Variants in OTUD7B observed in about 807,000 individuals in gnomAD.
OTUD7B encodes OTU domain-containing protein 7B.
Under a neutral mutation model 82.2 loss-of-function variants are expected in OTUD7B, and 34 were observed. The ratio of observed to expected loss-of-function variants is 0.41; its 90% CI spans 0.31 to 0.55. OTUD7B has a LOEUF of 0.55. Among genes scored for constraint, OTUD7B ranks in the 20% least tolerant of loss-of-function variants. OTUD7B has a pLI of 0.20. For synonymous variants in OTUD7B, 398 were observed against 402.7 expected, an observed-to-expected ratio of 0.99 and a Z score of 0.14; for missense variants, 944 against 1,062.1, an observed-to-expected ratio of 0.89 and a Z score of 1.55.
At chr1:150,051,683 G>A in the OTUD7B span, among the ~76,000 whole-genome samples, 2 of 152,044 alleles carry the variant, frequency 1.3e-5, no homozygotes, top group Non-Finnish European at 2.9e-5. Context: ...AGTTGCAAAG[G>A]TTAATTCAGA....
intron 7 of OTUD7B, among the ~76,000 whole-genome samples, chr1:149,954,216 G>A (rs1468733667): frequency 1.3e-5 from 2 of 152,098 alleles, no homozygotes; most frequent in Non-Finnish European, 2.9e-5. Flanking sequence ...TTTGAGATAC[G>A]TCCCATCAAT....
the OTUD7B span, among the ~76,000 whole-genome samples, chr1:150,058,811 A>T: frequency 6.6e-6 from 1 of 152,156 alleles, no homozygotes; most frequent in Non-Finnish European, 1.5e-5. Context: ...ATCTCACTTT[A>T]GAAGAGAAAA....
intron 1 of OTUD7B, among the ~76,000 whole-genome samples, chr1:149,979,194 A>G (rs1650541553): frequency 6.6e-6 from 1 of 152,172 alleles, no homozygotes. Context: ...TAAATGATTC[A>G]ATGACTAAGC....
At chr1:150,056,639 C>G in the OTUD7B span, among the ~76,000 whole-genome samples, 7 of 152,146 alleles carry the variant, frequency 4.6e-5, no homozygotes, top group African/African-American at 1.7e-4. Context: ...AGAATCAAAT[C>G]CAGGCTCACT....
chr1:149,983,336 C>A lies in OTUD7B; in HGVS notation c.-66-5760G>T, dbSNP rs587774004. Among the ~76,000 whole-genome samples the A allele has an allele frequency of 2.6e-5, 4 of 151,940 alleles. No individual in the cohort carries two copies. The South Asian group carries it at 6.2e-4, about 24-fold the overall frequency. Reference sequence around the variant, plus strand: ...AAAGCTTCCAGCATGGAGGAAAAAACCACAAAATCCTACCATCTTCCTGAG... The same window carrying A: ...AAAGCTTCCAGCATGGAGGAAAAAAACACAAAATCCTACCATCTTCCTGAG... On this transcript the variant is annotated intron_variant, in intron 1 of 11. Coordinates refer to ENST00000581312, the MANE Select transcript of OTUD7B (RefSeq NM_020205.4).
intron 1 of OTUD7B, among the ~76,000 whole-genome samples, chr1:149,979,489 G>A (rs937885095): frequency 4.0e-5 from 6 of 151,778 alleles, no homozygotes; most frequent in Non-Finnish European, 7.4e-5. Context: ...ATACTTTCAA[G>A]GTTTAAAAAA....
At chr1:149,968,001 T>C (rs868946636) in intron 3 of OTUD7B, among the ~76,000 whole-genome samples, 4 of 152,152 alleles carry the variant, frequency 2.6e-5, no homozygotes, top group Middle Eastern at 3.4e-3. Flanking sequence ...AAGAAATCCA[T>C]TATAGAAAAG....
intron 1 of OTUD7B, among the ~76,000 whole-genome samples, chr1:149,979,049 T>C (rs1490839809): frequency 6.8e-6 from 1 of 146,792 alleles, no homozygotes; most frequent in African/African-American, 2.5e-5. Flanking sequence ...GATGGCAAAA[T>C]AGAAATTTTT....
intron 7 of OTUD7B, among the ~76,000 whole-genome samples, chr1:149,952,352 A>G (rs1553773671): frequency 1.3e-5 from 2 of 152,120 alleles, no homozygotes. Flanking sequence ...TTCCAGCTTC[A>G]TCCATGTCCC....
At chr1:149,995,765 A>T (rs587715985) in intron 1 of OTUD7B, among the ~76,000 whole-genome samples, 1 of 152,256 alleles carries the variant, frequency 6.6e-6, no homozygotes, top group African/African-American at 2.4e-5. Flanking sequence ...GAAGATGCTA[A>T]CTCCAGAGTA....
intron 1 of OTUD7B, among the ~76,000 whole-genome samples, chr1:149,982,376 C>G (rs587632639): frequency 6.2e-4 from 94 of 152,256 alleles, no homozygotes; most frequent in Non-Finnish European, 1.2e-3. Flanking sequence ...TCCCCTGATT[C>G]TTGCCCATTT....
In OTUD7B at chr1:149,943,968, G is replaced by A; in HGVS notation, c.2421C>T (p.Cys807=). 6.2e-7 allele frequency: 1 copy of A among 1,614,244 alleles called. No individual in the cohort carries two copies. Among genetic ancestry groups the A allele is most frequent in the South Asian group, 1.1e-5 (1 of 91,092 alleles). ...PTQTKCKQPN[C]SFYGHPETNN... is the part of the protein sequence containing the mutation. ...TTGTCTCAGGGTGTCCATAGAAGCT[G>A]CAGTTCGGTTGTTTGCATTTGGTCT... Residue 807 remains cysteine, a synonymous_variant, in exon 12 of 12, where the codon TGC becomes TGT. Transcript: ENST00000581312.
At chr1:149,960,375 T>TC (rs1649055701) in intron 6 of OTUD7B, among the ~76,000 whole-genome samples, 1 of 590 alleles carries the variant, frequency 1.7e-3, no homozygotes, top group Non-Finnish European at 0.011. Context: ...TTTCTTTTCT[T>TC]TTTCTTTTCT....
the OTUD7B span, among the ~76,000 whole-genome samples, chr1:150,055,330 G>A: frequency 4.6e-5 from 7 of 151,922 alleles, no homozygotes; most frequent in Admixed American, 2.0e-4. Flanking sequence ...GAGCCACTGC[G>A]CCCGGCCTGG....
At chr1:149,959,240 G>GAAAAAAAAAGA (rs1318735406) in intron 7 of OTUD7B, among the ~76,000 whole-genome samples, 2 of 151,102 alleles carry the variant, frequency 1.3e-5, no homozygotes, top group South Asian at 2.1e-4. Flanking sequence ...AGAAAAAAAA[G>GAAAAAAAAAGA]AAAGAAAAAG....
At chr1:150,018,012 G>A in the OTUD7B span, among the ~76,000 whole-genome samples, 4 of 152,056 alleles carry the variant, frequency 2.6e-5, no homozygotes, top group Admixed American at 1.3e-4. Context: ...TGTTGCTTAT[G>A]GTCTATGGAC....
Position 149,938,132 on chromosome 1 carries a change from T to G in OTUD7B, c.*5725A>C, listed in dbSNP as rs1479922055. The G allele has an allele frequency of 1.3e-5, 2 of 152,180 alleles. No individual in the cohort carries two copies. Among genetic ancestry groups the G allele is most frequent in the African/African-American group, 4.8e-5 (2 of 41,374 alleles). The allele number at this position is 152,180 out of a possible 1,614,324, so 9.4% of individuals were successfully genotyped here. ...ATGCATTCCATGGGCCTCAACCTCTTGGGGGAAGAAAATATTTCCCAAGGT... is the reference window on the plus strand; with the variant it reads ...ATGCATTCCATGGGCCTCAACCTCTGGGGGGAAGAAAATATTTCCCAAGGT... On this transcript the variant is annotated 3_prime_UTR_variant, in exon 12 of 12. Coordinates refer to ENST00000581312, the MANE Select transcript of OTUD7B (RefSeq NM_020205.4).
At chr1:150,057,949 A>AGAAAAGTAT in the OTUD7B span, among the ~76,000 whole-genome samples, 2 of 152,250 alleles carry the variant, frequency 1.3e-5, no homozygotes, top group African/African-American at 4.8e-5. Context: ...AGCCTAAAGC[A>AGAAAAGTAT]GAAAAGTATG....
chr1:150,054,439 T>C, the OTUD7B span: 4 of 533,268 alleles, frequency 7.5e-6, no homozygotes, highest in South Asian at 5.8e-5. Flanking sequence ...ACCAGAAATC[T>C]GTCATTGCCA....
Sources: allele counts gnomAD v4.1 joint callset (sites outside exome capture counted in the v4.1 genomes callset), GRCh38; gene constraint gnomAD v4.1.1; transcripts MANE v1.5; gene names NCBI Gene and HGNC (gene_info 2026-07-23, HGNC 2026-07-21).